The following CCDC171 variants were observed in gnomAD, a reference collection of about 807,000 sequenced individuals.
The protein encoded by CCDC171 is coiled-coil domain-containing protein 171.
Under a neutral mutation model 168.2 loss-of-function variants are expected in CCDC171, and 177 were observed. That is an observed-to-expected ratio of 1.05 (90% CI 0.93 to 1.19). The LOEUF (loss-of-function observed/expected upper bound fraction) is 1.19. CCDC171 is among the 50% of genes most tolerant of loss of function. The pLI, the probability that CCDC171 is intolerant of heterozygous loss-of-function variation, is 0.00. For missense variants in CCDC171, 1,991 were observed against 1,539.0 expected, an observed-to-expected ratio of 1.29 and a Z score of -4.91; for synonymous variants, 687 against 540.8, an observed-to-expected ratio of 1.27 and a Z score of -3.75.
chr9:15,788,739 A>G (rs569819568), intron 21 of CCDC171, among the ~76,000 whole-genome samples: 3 of 152,138 alleles, frequency 2.0e-5, no homozygotes, highest in Non-Finnish European at 4.4e-5. Context: ...TTTTGTAGAG[A>G]TGGAAACTGC....
intron 21 of CCDC171, among the ~76,000 whole-genome samples, chr9:15,793,341 A>G (rs1317982399): frequency 1.3e-5 from 2 of 152,028 alleles, no homozygotes; most frequent in East Asian, 3.9e-4. Context: ...TTAGAGACCT[A>G]CAAAGAGACT....
chr9:15,619,454 G>A (rs1176067900), intron 6 of CCDC171, among the ~76,000 whole-genome samples: 1 of 152,150 alleles, frequency 6.6e-6, no homozygotes, highest in Non-Finnish European at 1.5e-5. Flanking sequence ...GATCAAACCA[G>A]CCACAGCATT....
chr9:15,824,695 T>C (rs534797570), intron 21 of CCDC171, among the ~76,000 whole-genome samples: 1 of 152,274 alleles, frequency 6.6e-6, no homozygotes, highest in East Asian at 1.9e-4. Context: ...GCGAACTCTT[T>C]AAGAAACAAG....
chr9:15,628,210 C>T (rs145931929), intron 7 of CCDC171, among the ~76,000 whole-genome samples: 5,702 of 152,098 alleles, frequency 0.037, 358 homozygotes, highest in African/African-American at 0.13. Context: ...GTGCACCAGC[C>T]GAAGCAGGGC....
chr9:15,652,521 C>T (rs971051415), intron 7 of CCDC171, among the ~76,000 whole-genome samples: 1 of 151,794 alleles, frequency 6.6e-6, no homozygotes, highest in Non-Finnish European at 1.5e-5. Context: ...ACCTCTGCCT[C>T]CCAGGCTCAA....
chr9:15,742,627 G>A (rs1272161407), intron 16 of CCDC171, among the ~76,000 whole-genome samples: 1 of 152,124 alleles, frequency 6.6e-6, no homozygotes, highest in East Asian at 1.9e-4. Context: ...TTTACTAATG[G>A]TCTTTATGTG....
chr9:15,736,394 A>G (rs889912559), intron 16 of CCDC171, among the ~76,000 whole-genome samples: 5 of 151,886 alleles, frequency 3.3e-5, no homozygotes, highest in African/African-American at 4.8e-5. Flanking sequence ...TACATTGCCT[A>G]GACTAGAGGT....
At chr9:15,783,902 A>C (rs1011132238) in intron 20 of CCDC171, among the ~76,000 whole-genome samples, 4 of 152,204 alleles carry the variant, frequency 2.6e-5, no homozygotes, top group African/African-American at 9.6e-5. Flanking sequence ...ATGTTGGATG[A>C]AAAGCTAAAT....
At chr9:15,898,018 A>G (rs1020159224) in intron 24 of CCDC171, among the ~76,000 whole-genome samples, 1 of 152,160 alleles carries the variant, frequency 6.6e-6, no homozygotes, top group Non-Finnish European at 1.5e-5. Context: ...TTACAGCATT[A>G]TTGGAAGGCA....
intron 25 of CCDC171, among the ~76,000 whole-genome samples, chr9:15,925,809 A>C (rs973806161): frequency 6.6e-6 from 1 of 151,710 alleles, no homozygotes; most frequent in Non-Finnish European, 1.5e-5. Flanking sequence ...CATCAGGGAC[A>C]TATAGGTAGT....
intron 3 of CCDC171, among the ~76,000 whole-genome samples, chr9:15,993,975 C>T (rs60598836): frequency 0.076 from 11,621 of 152,176 alleles, 1,458 homozygotes; most frequent in African/African-American, 0.26. Context: ...AGGAACACTT[C>T]TACACTGTTG....
At chr9:16,087,481 T>C in the CCDC171 span, among the ~76,000 whole-genome samples, 1 of 152,072 alleles carries the variant, frequency 6.6e-6, no homozygotes, top group Non-Finnish European at 1.5e-5. Context: ...TGCCATTATG[T>C]AATGCCCTTC....
chr9:15,802,424 TGA>T (rs2135804309), intron 21 of CCDC171, among the ~76,000 whole-genome samples: 1 of 151,998 alleles, frequency 6.6e-6, no homozygotes, highest in South Asian at 2.1e-4. Flanking sequence ...CTGCATCCTC[TGA>T]TAGACCACAG....
At chr9:16,070,036 T>C in the CCDC171 span, among the ~76,000 whole-genome samples, 1 of 152,168 alleles carries the variant, frequency 6.6e-6, no homozygotes, top group East Asian at 1.9e-4. Context: ...CCTTGCTCTC[T>C]GAGGGTGTGT....
rs1242013028 is a variant in CCDC171, at chr9:15,578,919, G to A, written c.248G>A (p.Ser83Asn). The A allele has an allele frequency of 6.2e-7, 1 of 1,614,034 alleles. No homozygotes were observed. Among genetic ancestry groups the A allele is most frequent in the South Asian group, 1.1e-5 (1 of 91,070 alleles). ...GAAAAGGGAGAAGCATTGCGACAAA[G>A]TCTGGAATATGACCTAGCTGTTGCT... ...EVEKGEALRQSLEYDLAVARK... is the reference protein window; with the variant it reads ...EVEKGEALRQNLEYDLAVARK... The change falls in exon 4 of 26, where the codon AGT (serine) becomes AAT (asparagine). Residue 83 changes from serine to asparagine, a missense_variant. Transcript: ENST00000380701.
At chr9:15,804,713 G>C (rs1011990728) in intron 21 of CCDC171, among the ~76,000 whole-genome samples, 5 of 151,996 alleles carry the variant, frequency 3.3e-5, no homozygotes, top group African/African-American at 1.2e-4. Context: ...GTTTATCTCT[G>C]TCAGTTATTG....
rs375638191 is a variant in CCDC171, at chr9:15,651,644, C to T, written c.823-5483C>T. On this transcript the variant is annotated intron_variant, in intron 7 of 25. Coordinates refer to ENST00000380701, the MANE Select transcript of CCDC171 (RefSeq NM_173550.4). ...TGGCTTATTTTACTTAACATAATGACCTCTAGTTCCATTCATATTGCTGCA... is the reference window on the plus strand; with the variant it reads ...TGGCTTATTTTACTTAACATAATGATCTCTAGTTCCATTCATATTGCTGCA... Among the ~76,000 whole-genome samples, 5 of 152,184 alleles carry T rather than the reference C, an allele frequency of 3.3e-5. No individual in the cohort carries two copies. In the East Asian group the frequency reaches 5.8e-4, roughly 18 times the overall value.
intron 11 of CCDC171, among the ~76,000 whole-genome samples, chr9:15,718,268 G>T (rs577044854): frequency 6.6e-6 from 1 of 152,284 alleles, no homozygotes; most frequent in East Asian, 1.9e-4. Flanking sequence ...TGGGAGGGAA[G>T]AGTGGGAAGG....
chr9:15,693,163 A>T lies in CCDC171; in HGVS notation c.1216-2072A>T, dbSNP rs573582454. Among the ~76,000 whole-genome samples, 31 of 152,114 alleles carry T rather than the reference A, an allele frequency of 2.0e-4. 1 individual carries two copies. The South Asian group carries it at 6.2e-3, about 31-fold the overall frequency. ...AAACAAAACAAAACAAAACACCAAAAAAACAGATGCTGTGTAGAAATTCTC... is the reference window on the plus strand; with the variant it reads ...AAACAAAACAAAACAAAACACCAAATAAACAGATGCTGTGTAGAAATTCTC... On this transcript the variant is annotated intron_variant, in intron 10 of 25. Coordinates refer to ENST00000380701, the MANE Select transcript of CCDC171 (RefSeq NM_173550.4).
Sources: gnomAD v4.1 joint callset for allele counts (sites outside exome capture counted in the v4.1 genomes callset) on GRCh38, gnomAD v4.1.1 for gene constraint, MANE v1.5 for transcripts, NCBI Gene and HGNC (gene_info 2026-07-23, HGNC 2026-07-21) for gene names.